GSG1L: variants seen among roughly 807,000 people sequenced by gnomAD.
The protein encoded by GSG1L is GSG1 like.
Under a neutral mutation model 42.1 loss-of-function variants are expected in GSG1L, and 24 were observed. The ratio of observed to expected loss-of-function variants is 0.57; its 90% confidence interval spans 0.41 to 0.80. The LOEUF (loss-of-function observed/expected upper bound fraction) is 0.80. Ranked by LOEUF, GSG1L falls within the 30% of genes least tolerant of loss-of-function variation. The pLI is 0.00. For synonymous variants in GSG1L, 215 were observed against 203.5 expected, an observed-to-expected ratio of 1.06 and a Z score of -0.48; for missense variants, 445 against 472.2, an observed-to-expected ratio of 0.94 and a Z score of 0.53.
At chr16:28,020,533 G>T (rs1439366468) in intron 1 of GSG1L, among the ~76,000 whole-genome samples, 3 of 152,084 alleles carry the variant, frequency 2.0e-5, no homozygotes, top group Non-Finnish European at 4.4e-5. Context: ...TATAAAGTGG[G>T]TACTCTTGTC....
chr16:27,952,813 T>C (rs1225392013), intron 2 of GSG1L, among the ~76,000 whole-genome samples: 1 of 152,366 alleles, frequency 6.6e-6, no homozygotes, highest in East Asian at 1.9e-4. Context: ...ACTGCATATA[T>C]CCTAAGCATG....
At chr16:27,983,420 C>G (rs1050282381) in intron 1 of GSG1L, among the ~76,000 whole-genome samples, 6 of 152,220 alleles carry the variant, frequency 3.9e-5, no homozygotes, top group African/African-American at 1.4e-4. Context: ...TTATTTGTTA[C>G]AGCAGCTAGT....
At chr16:27,913,411 G>A (rs2084414220) in intron 2 of GSG1L, among the ~76,000 whole-genome samples, 1 of 152,188 alleles carries the variant, frequency 6.6e-6, no homozygotes, top group Non-Finnish European at 1.5e-5. Flanking sequence ...GCTTAAATTG[G>A]TGATTCGCTG....
intron 2 of GSG1L, among the ~76,000 whole-genome samples, chr16:27,906,548 G>A (rs574477243): frequency 6.6e-6 from 1 of 152,176 alleles, no homozygotes; most frequent in South Asian, 2.1e-4. Context: ...GATCAAGTTT[G>A]CTTCAGCCCG....
rs536553531 is a variant in GSG1L, at chr16:27,856,376, C to T, written c.551-11315G>A. On this transcript the variant is annotated intron_variant, in intron 3 of 6. Transcript: ENST00000447459. ...TCACCCAGTCTAGAGTGTAGTGGTG[C>T]GATCATAGCTCACTGCAGCCTTCAA... is the stretch of plus-strand genomic sequence containing the variant. Among the ~76,000 whole-genome samples, 113 of 152,286 alleles carry T rather than the reference C, an allele frequency of 7.4e-4. 1 individual carries two copies. The South Asian group carries it at 0.021, about 29-fold the overall frequency.
intron 6 of GSG1L, among the ~76,000 whole-genome samples, chr16:27,806,240 C>G (rs1374773497): frequency 6.6e-6 from 1 of 152,158 alleles, no homozygotes; most frequent in Non-Finnish European, 1.5e-5. Context: ...CTGTCCCTCA[C>G]AGGCCAAAAT....
At chr16:27,946,621 G>GAGAGAA (rs1567529993) in intron 2 of GSG1L, among the ~76,000 whole-genome samples, 10 of 48,208 alleles carry the variant, frequency 2.1e-4, no homozygotes, top group African/African-American at 6.7e-4. Flanking sequence ...GAGAGAGAGA[G>GAGAGAA]AGAGAGAGAG....
At chr16:27,905,363 T>G (rs2084309084) in intron 2 of GSG1L, among the ~76,000 whole-genome samples, 1 of 151,872 alleles carries the variant, frequency 6.6e-6, no homozygotes. Context: ...CTCACTTTGT[T>G]GCCCAGGCTG....
At chr16:27,954,061 T>C (rs999348274) in intron 2 of GSG1L, among the ~76,000 whole-genome samples, 1 of 152,072 alleles carries the variant, frequency 6.6e-6, no homozygotes, top group Non-Finnish European at 1.5e-5. Flanking sequence ...CCAGCTGAGT[T>C]TGCAGTCCCT....
chr16:27,957,650 C>T (rs185840088), intron 2 of GSG1L, among the ~76,000 whole-genome samples: 1 of 152,300 alleles, frequency 6.6e-6, no homozygotes, highest in East Asian at 1.9e-4. Flanking sequence ...ATACAGAACA[C>T]TCAAGTGCAG....
intron 1 of GSG1L, among the ~76,000 whole-genome samples, chr16:27,986,473 T>C (rs1308898253): frequency 2.8e-5 from 4 of 142,864 alleles, no homozygotes; most frequent in African/African-American, 7.9e-5. Context: ...ACCATTGCAC[T>C]CCAGCCTGAG....
At chr16:28,000,980 T>C (rs2085573209) in intron 1 of GSG1L, among the ~76,000 whole-genome samples, 1 of 152,162 alleles carries the variant, frequency 6.6e-6, no homozygotes, top group South Asian at 2.1e-4. Flanking sequence ...ACAATTGCAA[T>C]TACAAGTCAA....
Position 28,059,560 on chromosome 16 carries a change from C to T in GSG1L, c.349+3516G>A, listed in dbSNP as rs1269648801. Among the ~76,000 whole-genome samples, 1 of 151,946 alleles carries T rather than the reference C, an allele frequency of 6.6e-6. No individual in the cohort carries two copies. On this transcript the variant is annotated intron_variant, in intron 1 of 6. Transcript: ENST00000447459. This position sits in a 1 kb window ranked among gnomAD's most constrained non-coding sequence, Gnocchi z 4.4. ...TGAAGTCCAACGCATGTGGACGTCA[C>T]CTGTGCTCCCAGCTGGCACAAGCTC... is the stretch of plus-strand genomic sequence containing the variant.
In GSG1L at chr16:27,824,922, C is replaced by A. The variant is rs9937658; in HGVS notation, c.830+3867G>T. ...CATCTGGCTGCTTATGTGTCTATTGCAAACACTTGCTGAGTGCCCACTTCG... is the reference window on the plus strand; with the variant it reads ...CATCTGGCTGCTTATGTGTCTATTGAAAACACTTGCTGAGTGCCCACTTCG... On this transcript the variant is annotated intron_variant, in intron 5 of 6. Coordinates refer to ENST00000447459, the MANE Select transcript of GSG1L (RefSeq NM_001109763.2). 5.9e-3 allele frequency among the ~76,000 whole-genome samples: 902 copies of A among 152,360 alleles called. 10 individuals carry two copies. Among genetic ancestry groups the A allele is most frequent in the African/African-American group, 0.021 (866 of 41,578 alleles).
intron 2 of GSG1L, among the ~76,000 whole-genome samples, chr16:27,962,709 G>C (rs780919950): frequency 6.6e-6 from 1 of 152,092 alleles, no homozygotes; most frequent in Non-Finnish European, 1.5e-5. Flanking sequence ...GAACACCAGT[G>C]AGCCCTCTCT....
At chr16:27,930,176 G>C (rs2084639738) in intron 2 of GSG1L, among the ~76,000 whole-genome samples, 1 of 151,864 alleles carries the variant, frequency 6.6e-6, no homozygotes, top group African/African-American at 2.4e-5. Context: ...ACTTAGGGCA[G>C]ATTCCATAAC....
At chr16:27,995,241 C>T (rs2085502973) in intron 1 of GSG1L, among the ~76,000 whole-genome samples, 1 of 152,208 alleles carries the variant, frequency 6.6e-6, no homozygotes, top group African/African-American at 2.4e-5. Context: ...AGCAGGCAGA[C>T]ATTCTCAGAC....
chr16:27,964,415 T>C (rs2085106367), intron 1 of GSG1L, among the ~76,000 whole-genome samples: 1 of 152,210 alleles, frequency 6.6e-6, no homozygotes, highest in African/African-American at 2.4e-5. Context: ...AGCCCCTTCC[T>C]AAATAAAAAT....
At chr16:27,949,646 G>A (rs1016604238) in intron 2 of GSG1L, among the ~76,000 whole-genome samples, 1 of 151,720 alleles carries the variant, frequency 6.6e-6, no homozygotes, top group Non-Finnish European at 1.5e-5. Context: ...AACATGACAG[G>A]CCGGCGCAGT....
Sources: allele counts gnomAD v4.1 joint callset (sites outside exome capture counted in the v4.1 genomes callset), GRCh38; gene constraint gnomAD v4.1.1; non-coding constraint Gnocchi (gnomAD v3.1); transcripts MANE v1.5; gene names NCBI Gene and HGNC (gene_info 2026-07-23, HGNC 2026-07-21).